TLN2: variants seen among roughly 807,000 people sequenced by gnomAD.
TLN2 encodes the protein talin 2.
A neutral mutation model predicts 294.7 loss-of-function variants in TLN2; 118 were observed. That is an observed-to-expected ratio of 0.40 (90% CI 0.34 to 0.47). The LOEUF (loss-of-function observed/expected upper bound fraction) is 0.47. Ranked by LOEUF, TLN2 falls within the 20% of genes least tolerant of loss-of-function variation. The pLI, the probability that TLN2 is intolerant of heterozygous loss-of-function variation, is 0.84. For synonymous variants in TLN2, 1,431 were observed against 1,304.5 expected (o/e 1.10, Z -2.09); for missense variants, 3,083 against 3,282.2 (o/e 0.94, Z 1.48).
In TLN2 at chr15:62,628,648, T is replaced by C. The variant is rs1393415736; in HGVS notation, c.-37+10173T>C. On this transcript the variant is annotated intron_variant, in intron 3 of 58. Coordinates refer to ENST00000636159, the MANE Select transcript of TLN2 (RefSeq NM_015059.3). ...GGTGAGCATTCCTGTGTACAAAGCA[T>C]GGAAAGACAATCCAGTTAATGAGAT... Among the ~76,000 whole-genome samples the C allele has an allele frequency of 3.9e-5, 6 of 152,184 alleles. No individual in the cohort carries two copies. The East Asian group carries it at 1.2e-3, about 29-fold the overall frequency.
At chr15:62,803,479 G>T (rs1032572974) in intron 50 of TLN2, among the ~76,000 whole-genome samples, 8 of 152,060 alleles carry the variant, frequency 5.3e-5, no homozygotes, top group Non-Finnish European at 8.8e-5. Flanking sequence ...TCTAGATCCT[G>T]TAGGCATGCT....
intron 1 of TLN2, among the ~76,000 whole-genome samples, chr15:62,498,745 T>C (rs988253031): frequency 2.0e-5 from 3 of 150,310 alleles, no homozygotes; most frequent in Non-Finnish European, 4.4e-5. Flanking sequence ...GTTTTTTTTT[T>C]CCTTATAGTT....
chr15:62,522,147 G>T (rs2040492613), intron 1 of TLN2, among the ~76,000 whole-genome samples: 2 of 152,136 alleles, frequency 1.3e-5, no homozygotes, highest in Admixed American at 1.3e-4. Context: ...TTTGTCTTTG[G>T]TTCACAGTGT....
chr15:62,532,414 A>T (rs1239141178), intron 1 of TLN2, among the ~76,000 whole-genome samples: 1 of 151,910 alleles, frequency 6.6e-6, no homozygotes, highest in Non-Finnish European at 1.5e-5. Context: ...GAATAATTTG[A>T]ATTTACTGAA....
intron 2 of TLN2, among the ~76,000 whole-genome samples, chr15:62,612,467 T>C (rs964573175): frequency 6.6e-6 from 1 of 152,162 alleles, no homozygotes; most frequent in African/African-American, 2.4e-5. Context: ...TTTTTACCCT[T>C]TCAGAACTAT....
In TLN2 at chr15:62,805,799, C is replaced by T. The variant is rs762072603; in HGVS notation, c.6663+14C>T. 5.6e-5 allele frequency: 90 copies of T among 1,609,096 alleles called. 1 individual carries two copies. In the Admixed American group the frequency reaches 1.5e-3, roughly 26 times the overall value. On this transcript the variant is annotated intron_variant, in intron 51 of 58. Transcript: ENST00000636159. ...ACGGCTTGCAAGGTAAAGAGCTTGG[C>T]ATGGTTTTGGATGGACAGATGATTC...
chr15:62,720,467 G>A (rs1295253693), intron 25 of TLN2, among the ~76,000 whole-genome samples: 1 of 152,122 alleles, frequency 6.6e-6, no homozygotes, highest in Non-Finnish European at 1.5e-5. Flanking sequence ...TATCTCATAA[G>A]CAGTTGATAT....
chr15:62,546,215 G>C (rs2041986548), intron 1 of TLN2, among the ~76,000 whole-genome samples: 1 of 152,200 alleles, frequency 6.6e-6, no homozygotes, highest in Non-Finnish European at 1.5e-5. Flanking sequence ...GTTGGTGACA[G>C]AAGGAGTTGC....
intron 3 of TLN2, among the ~76,000 whole-genome samples, chr15:62,627,993 G>T (rs2049432515): frequency 6.6e-6 from 1 of 152,026 alleles, no homozygotes; most frequent in South Asian, 2.1e-4. Context: ...TTACAAAAAG[G>T]GCAAAATCAC....
At chr15:62,483,653 A>G (rs1050268402) in intron 1 of TLN2, among the ~76,000 whole-genome samples, 1 of 152,224 alleles carries the variant, frequency 6.6e-6, no homozygotes, top group Non-Finnish European at 1.5e-5. Context: ...GTTGGCAGAC[A>G]TAAGAAGTAG....
Position 62,843,863 on chromosome 15 carries a change from G to A in TLN2, c.*3253G>A, listed in dbSNP as rs1181333314. ...CACACGCTGACCCCCGAGGAGCCTTGGTTTCCTCCCTGGCAGATAGTCCCC... is the reference window on the plus strand; with the variant it reads ...CACACGCTGACCCCCGAGGAGCCTTAGTTTCCTCCCTGGCAGATAGTCCCC... On this transcript the variant is annotated 3_prime_UTR_variant, in exon 59 of 59. Transcript: ENST00000636159. 1.3e-5 allele frequency: 2 copies of A among 152,112 alleles called. No homozygotes were observed. Among genetic ancestry groups the A allele is most frequent in the Non-Finnish European group, 2.9e-5 (2 of 68,070 alleles). 9.4% of individuals were successfully genotyped at this position (152,112 alleles called of 1,614,324 possible). A position where few individuals can be genotyped will look rare whatever the true frequency, so the allele number is the denominator to read the frequency against.
Position 62,810,618 on chromosome 15 carries a change from C to T in TLN2, c.6771+586C>T, listed in dbSNP as rs911708980. ...CAGGCAGGGGTGTAGATAGTCATGGCTGGTGGGCTGCCCACGTGGGAGCCT... is the reference window on the plus strand; with the variant it reads ...CAGGCAGGGGTGTAGATAGTCATGGTTGGTGGGCTGCCCACGTGGGAGCCT... On this transcript the variant is annotated intron_variant, in intron 52 of 58. Transcript: ENST00000636159. 6.0e-5 allele frequency among the ~76,000 whole-genome samples: 9 copies of T among 150,810 alleles called. 1 individual carries two copies. The highest frequency in any genetic ancestry group is 9.8e-5 in the African/African-American group (4 of 40,950).
At chr15:62,484,512 A>C (rs1595908647) in intron 1 of TLN2, among the ~76,000 whole-genome samples, 1 of 150,524 alleles carries the variant, frequency 6.6e-6, no homozygotes, top group African/African-American at 2.5e-5. Flanking sequence ...TGCAACCTCC[A>C]CCTCCCGGGT....
chr15:62,744,249 C>T (rs541637376), intron 32 of TLN2, among the ~76,000 whole-genome samples: 55 of 152,220 alleles, frequency 3.6e-4, no homozygotes, highest in South Asian at 2.1e-4. Context: ...CCTTGCTCAG[C>T]GATCCATCAT....
chr15:62,519,096 C>A (rs748254319), intron 1 of TLN2, among the ~76,000 whole-genome samples: 12 of 152,170 alleles, frequency 7.9e-5, no homozygotes, highest in South Asian at 6.2e-4. Flanking sequence ...AAGCAACTTG[C>A]CCAGGGTCAT....
chr15:62,776,160 GGTGTGAAACACCTACTTCCTAA>G (rs2063707011), intron 42 of TLN2, among the ~76,000 whole-genome samples: 1 of 152,094 alleles, frequency 6.6e-6, no homozygotes, highest in African/African-American at 2.4e-5. Flanking sequence ...GCTTGACACA[GGTGTGAAACACCTACTTCCTAA>G]TATGGTCTAA....
At chr15:62,391,906 C>T (rs2032118958) in intron 1 of TLN2, among the ~76,000 whole-genome samples, 1 of 152,262 alleles carries the variant, frequency 6.6e-6, no homozygotes, top group Non-Finnish European at 1.5e-5. Flanking sequence ...TGGGCGGCGT[C>T]CCGGGGCTGG....
At chr15:62,657,974 G>A in intron 9 of TLN2, 76 bp downstream of exon 9, 3 of 1,419,112 alleles carry the variant, frequency 2.1e-6, no homozygotes, top group Non-Finnish European at 2.9e-6. Flanking sequence ...TTTTGAGCTA[G>A]GTGTCTAAGA....
chr15:62,618,483 G>A lies in TLN2; in HGVS notation c.-37+8G>A, dbSNP rs2048494414. 6.6e-6 allele frequency: 1 copy of A among 152,162 alleles called. No homozygotes were observed. The highest frequency in any genetic ancestry group is 1.5e-5 in the Non-Finnish European group (1 of 68,050). 9.4% of individuals were successfully genotyped at this position (152,162 alleles called of 1,614,324 possible). ...GACTTGGATGTTGTCATTGTGAGTT[G>A]TTTGTATGTTAAAGGTCTTCTGCGT... On this transcript the variant is annotated splice_region_variant and intron_variant, in intron 3 of 58. Transcript: ENST00000636159.
Sources: allele counts gnomAD v4.1 joint callset (sites outside exome capture counted in the v4.1 genomes callset), GRCh38; gene constraint gnomAD v4.1.1; transcripts MANE v1.5; gene names NCBI Gene and HGNC (gene_info 2026-07-23, HGNC 2026-07-21).